PDCD1LG2: variants seen among roughly 807,000 people sequenced by gnomAD.
PDCD1LG2 encodes B7 dendritic cell molecule.
Under a neutral mutation model 28.2 loss-of-function variants are expected in PDCD1LG2, and 32 were observed. That is an observed-to-expected ratio of 1.13 (90% CI 0.86 to 1.52). PDCD1LG2 has a LOEUF of 1.52. Ranked by LOEUF, PDCD1LG2 falls within the 40% of genes most tolerant of loss-of-function variation. The pLI is 0.00. For missense variants in PDCD1LG2, 385 were observed against 323.8 expected, an observed-to-expected ratio of 1.19 and a Z score of -1.45; for synonymous variants, 116 against 120.2, an observed-to-expected ratio of 0.97 and a Z score of 0.23.
intron 1 of PDCD1LG2, among the ~76,000 whole-genome samples, chr9:5,515,080 T>C (rs1820131532): frequency 6.6e-6 from 1 of 152,198 alleles, no homozygotes; most frequent in African/African-American, 2.4e-5. Flanking sequence ...TGTTTACCAC[T>C]TGCAAAGTAT....
At chr9:5,565,409 C>T (rs1157378749) in intron 6 of PDCD1LG2, among the ~76,000 whole-genome samples, 1 of 152,168 alleles carries the variant, frequency 6.6e-6, no homozygotes, top group Non-Finnish European at 1.5e-5. Context: ...GTCTCAAACT[C>T]CTCGGCTCAA....
chr9:5,527,974 A>G (rs1820411041), intron 2 of PDCD1LG2, among the ~76,000 whole-genome samples: 2 of 151,802 alleles, frequency 1.3e-5, no homozygotes, highest in Non-Finnish European at 1.5e-5. Flanking sequence ...GATTACAGGC[A>G]CCCACCACCA....
At chr9:5,540,908 A>G (rs185135707) in intron 3 of PDCD1LG2, among the ~76,000 whole-genome samples, 5 of 152,244 alleles carry the variant, frequency 3.3e-5, no homozygotes, top group African/African-American at 9.6e-5. Flanking sequence ...AGGACATAAC[A>G]AAAAAAGAAA....
At chr9:5,532,341 C>A (rs376302964) in intron 2 of PDCD1LG2, among the ~76,000 whole-genome samples, 1 of 152,106 alleles carries the variant, frequency 6.6e-6, no homozygotes, top group South Asian at 2.1e-4. Context: ...CCAAAAATGT[C>A]GGTCATTTGA....
At chr9:5,558,754 A>G (rs1033802431) in intron 5 of PDCD1LG2, among the ~76,000 whole-genome samples, 1 of 152,212 alleles carries the variant, frequency 6.6e-6, no homozygotes, top group Non-Finnish European at 1.5e-5. Context: ...CAATATTTCT[A>G]ACTGTAGAAT....
chr9:5,567,495 T>C (rs529784211), intron 6 of PDCD1LG2, among the ~76,000 whole-genome samples: 24 of 152,362 alleles, frequency 1.6e-4, no homozygotes, highest in Admixed American at 1.4e-3. Flanking sequence ...GAGTGGATTA[T>C]GATACCATAG....
chr9:5,526,046 CAA>C (rs375299943), intron 2 of PDCD1LG2, among the ~76,000 whole-genome samples: 4 of 118,018 alleles, frequency 3.4e-5, no homozygotes, highest in Non-Finnish European at 3.6e-5. Flanking sequence ...GACTCCGTCT[CAA>C]AAAAAAAAAA....
At chr9:5,515,720 G>A (rs1427927711) in intron 1 of PDCD1LG2, among the ~76,000 whole-genome samples, 1 of 151,788 alleles carries the variant, frequency 6.6e-6, no homozygotes, top group East Asian at 1.9e-4. Flanking sequence ...GTCAGAGTTC[G>A]AGACCAGCTT....
At chr9:5,554,500 C>T (rs1816397702) in intron 4 of PDCD1LG2, among the ~76,000 whole-genome samples, 1 of 152,198 alleles carries the variant, frequency 6.6e-6, no homozygotes, top group African/African-American at 2.4e-5. Context: ...GACCCACAAG[C>T]TTCTCCGGAA....
chr9:5,549,171 G>C (rs1030732040), intron 3 of PDCD1LG2, among the ~76,000 whole-genome samples, 164 bp from the exon 4 acceptor site: 7 of 151,986 alleles, frequency 4.6e-5, no homozygotes, highest in Admixed American at 2.6e-4. Flanking sequence ...CAATATATGT[G>C]GAAAATAGCA....
intron 3 of PDCD1LG2, among the ~76,000 whole-genome samples, chr9:5,539,792 G>T (rs1820653858): frequency 6.6e-6 from 1 of 152,184 alleles, no homozygotes; most frequent in Admixed American, 6.5e-5. Context: ...CCTGGGCAGG[G>T]CAGGGGGATG....
chr9:5,558,856 A>T (rs1205692930), intron 5 of PDCD1LG2, among the ~76,000 whole-genome samples: 2 of 152,224 alleles, frequency 1.3e-5, no homozygotes, highest in African/African-American at 4.8e-5. Context: ...GATGGAGAAG[A>T]AGAAAGATAG....
intron 1 of PDCD1LG2, among the ~76,000 whole-genome samples, chr9:5,512,454 C>T (rs1322484961): frequency 6.6e-6 from 1 of 152,154 alleles, no homozygotes; most frequent in Non-Finnish European, 1.5e-5. Flanking sequence ...AGGGATTTTC[C>T]TCCATTGCCT....
chr9:5,560,773 T>C (rs1285539979), intron 5 of PDCD1LG2, among the ~76,000 whole-genome samples: 1 of 152,190 alleles, frequency 6.6e-6, no homozygotes, highest in South Asian at 2.1e-4. Flanking sequence ...TCTTAGCTCC[T>C]GAACAGATTT....
At chr9:5,519,253 G>A (rs965239794) in intron 1 of PDCD1LG2, among the ~76,000 whole-genome samples, 5 of 152,186 alleles carry the variant, frequency 3.3e-5, no homozygotes, top group Admixed American at 3.3e-4. Flanking sequence ...TAAGGCAGTT[G>A]CATAGTGTTG....
chr9:5,522,206 T>C (rs1820288711), intron 1 of PDCD1LG2, among the ~76,000 whole-genome samples: 1 of 152,182 alleles, frequency 6.6e-6, no homozygotes, highest in Admixed American at 6.5e-5. Flanking sequence ...GGCCAGCTAT[T>C]GAAAAAAGCT....
intron 2 of PDCD1LG2, 63 bp downstream of exon 2, chr9:5,522,664 C>G: frequency 1.3e-6 from 2 of 1,483,370 alleles, no homozygotes; most frequent in South Asian, 2.3e-5. Context: ...TAGCCAAAGC[C>G]AAAAATGAGA....
chr9:5,546,245 AAGATC>A, intron 3 of PDCD1LG2, among the ~76,000 whole-genome samples: 1 of 152,214 alleles, frequency 6.6e-6, no homozygotes, highest in South Asian at 2.1e-4. Context: ...CCAGGACACC[AAGATC>A]AGTTTCTTGG....
intron 2 of PDCD1LG2, among the ~76,000 whole-genome samples, chr9:5,522,984 G>T (rs1820306359): frequency 6.6e-6 from 1 of 152,150 alleles, no homozygotes; most frequent in Non-Finnish European, 1.5e-5. Context: ...GGAGACAATG[G>T]CCAGGGAACA....
Sources: allele counts gnomAD v4.1 joint callset (sites outside exome capture counted in the v4.1 genomes callset), GRCh38; gene constraint gnomAD v4.1.1; transcripts MANE v1.5; gene names NCBI Gene and HGNC (gene_info 2026-07-23, HGNC 2026-07-21).